Variants in NTAQ1 observed in about 807,000 individuals in gnomAD.
NTAQ1 encodes the protein N-terminal glutamine amidase 1, also known as protein N-terminal glutamine amidohydrolase.
NTAQ1 carries 21 observed loss-of-function variants against 28.2 expected under a neutral mutation model. The ratio of observed to expected loss-of-function variants is 0.74; its 90% CI spans 0.53 to 1.07. The LOEUF is 1.07. Ranked by LOEUF, NTAQ1 falls within the 50% of genes least tolerant of loss-of-function variation. The pLI, the probability that NTAQ1 is intolerant of heterozygous loss-of-function variation, is 0.00. For synonymous variants in NTAQ1, 105 were observed against 90.0 expected (o/e 1.17, Z -0.94); for missense variants, 264 against 256.6 (o/e 1.03, Z -0.20).
At chr8:123,428,895 C>G (rs760861047) in intron 2 of NTAQ1, among the ~76,000 whole-genome samples, 1 of 152,156 alleles carries the variant, frequency 6.6e-6, no homozygotes, top group Non-Finnish European at 1.5e-5. Context: ...AGCCACTGTG[C>G]CTGGCCATTT....
intron 3 of NTAQ1, among the ~76,000 whole-genome samples, chr8:123,431,603 C>T (rs1352372376): frequency 6.6e-6 from 1 of 152,202 alleles, no homozygotes; most frequent in Non-Finnish European, 1.5e-5. Context: ...TGCATGAAAG[C>T]TGCTCTTGCA....
At chr8:123,460,470 T>G (rs1026489372) in intron 6 of NTAQ1, among the ~76,000 whole-genome samples, 4 of 152,130 alleles carry the variant, frequency 2.6e-5, no homozygotes, top group African/African-American at 9.7e-5. Flanking sequence ...GGGCATTGCT[T>G]CTTGTGCTGG....
intron 6 of NTAQ1, among the ~76,000 whole-genome samples, chr8:123,458,766 G>A (rs1023254884): frequency 5.9e-5 from 9 of 151,532 alleles, no homozygotes; most frequent in African/African-American, 1.5e-4. Flanking sequence ...GACTACAGGC[G>A]CCCGCCAGCA....
downstream of NTAQ1, among the ~76,000 whole-genome samples, chr8:123,472,447 C>G (rs1181531248): frequency 6.6e-6 from 1 of 152,176 alleles, no homozygotes; most frequent in East Asian, 1.9e-4. Flanking sequence ...CAAGGTGTCA[C>G]AGGGTCCATG....
downstream of NTAQ1, among the ~76,000 whole-genome samples, chr8:123,446,682 A>T (rs937817444): frequency 6.6e-6 from 1 of 152,210 alleles, no homozygotes; most frequent in Non-Finnish European, 1.5e-5. Flanking sequence ...GAGCCGTATC[A>T]GTGCCATCTT....
At chr8:123,464,178 A>G (rs935528535) in intron 6 of NTAQ1, among the ~76,000 whole-genome samples, 3 of 152,196 alleles carry the variant, frequency 2.0e-5, no homozygotes, top group African/African-American at 7.2e-5. Context: ...ACAGACTAAT[A>G]GAGATGGTCT....
At chr8:123,437,767 A>G (rs975026497) in intron 5 of NTAQ1, among the ~76,000 whole-genome samples, 2 of 152,274 alleles carry the variant, frequency 1.3e-5, no homozygotes, top group East Asian at 3.9e-4. Flanking sequence ...GGTCATAGGA[A>G]ATACTACTTC....
At chr8:123,458,424 C>T (rs1815718993) in intron 6 of NTAQ1, among the ~76,000 whole-genome samples, 2 of 151,934 alleles carry the variant, frequency 1.3e-5, no homozygotes, top group South Asian at 4.2e-4. Context: ...GAAAGTGAGA[C>T]CTTGAAATTG....
At chr8:123,427,159 C>G (rs1401470923) in intron 1 of NTAQ1, among the ~76,000 whole-genome samples, 1 of 149,314 alleles carries the variant, frequency 6.7e-6, no homozygotes, top group Non-Finnish European at 1.5e-5. Context: ...CCAGTGTTAA[C>G]TAAGATTTTT....
chr8:123,426,071 A>G (rs1814035084), intron 1 of NTAQ1, among the ~76,000 whole-genome samples: 1 of 152,216 alleles, frequency 6.6e-6, no homozygotes, highest in African/African-American at 2.4e-5. Flanking sequence ...ACTGAGCCAC[A>G]TTCTGTGAAC....
intron 6 of NTAQ1, among the ~76,000 whole-genome samples, chr8:123,454,171 G>A (rs1428554209): frequency 2.0e-5 from 3 of 152,194 alleles, no homozygotes; most frequent in African/African-American, 7.2e-5. Flanking sequence ...CTCCCTGAGT[G>A]GTTCTGGTTT....
chr8:123,445,518 T>A (rs1413378937), downstream of NTAQ1, among the ~76,000 whole-genome samples: 1 of 135,238 alleles, frequency 7.4e-6, no homozygotes, highest in African/African-American at 2.7e-5. Context: ...TGTTTTTTGC[T>A]TCTTGGTGTG....
intron 6 of NTAQ1, among the ~76,000 whole-genome samples, chr8:123,465,961 T>C (rs1290129954): frequency 6.6e-6 from 1 of 152,222 alleles, no homozygotes; most frequent in African/African-American, 2.4e-5. Flanking sequence ...AGAGTTGTAT[T>C]CTGTTGTATA....
chr8:123,440,897 ACT>A (rs766930403), intron 5 of NTAQ1, among the ~76,000 whole-genome samples: 1 of 151,746 alleles, frequency 6.6e-6, no homozygotes, highest in Non-Finnish European at 1.5e-5. Flanking sequence ...AGTTCTCTCC[ACT>A]CTGGCTGGTG....
intron 6 of NTAQ1, among the ~76,000 whole-genome samples, chr8:123,463,384 A>G (rs1815885882): frequency 6.6e-6 from 1 of 152,198 alleles, no homozygotes; most frequent in African/African-American, 2.4e-5. Context: ...ATATTAGATC[A>G]CAGTTATTCT....
At position 123,416,799 on chromosome 8, in the gene NTAQ1, C is replaced by T. The variant is rs1408807188; in HGVS notation, c.-51C>T. The T allele has an allele frequency of 1.3e-6, 2 of 1,497,406 alleles. No individual in the cohort carries two copies. The highest frequency in any genetic ancestry group is 4.4e-5 in the Admixed American group (2 of 45,898). 92.8% of individuals were successfully genotyped at this position (1,497,406 alleles called of 1,614,324 possible). A position where few individuals can be genotyped will look rare whatever the true frequency, so the allele number is the denominator to read the frequency against. ...ACTACAAGCCCGCCCTTTCCTACGT[C>T]TGGTCCAGTCGGTCTTCCTCCGGCC... On this transcript the variant is annotated 5_prime_UTR_variant, in exon 1 of 6. Transcript: ENST00000287387.
chr8:123,448,559 C>T (rs762323596), downstream of NTAQ1, among the ~76,000 whole-genome samples: 2 of 152,182 alleles, frequency 1.3e-5, no homozygotes, highest in Admixed American at 1.3e-4. Context: ...GTGGAGGTTG[C>T]AGTGAGCCAA....
At chr8:123,456,446 T>A (rs184939796) in intron 6 of NTAQ1, among the ~76,000 whole-genome samples, 23 of 152,300 alleles carry the variant, frequency 1.5e-4, no homozygotes, top group African/African-American at 5.5e-4. Flanking sequence ...CATTTTAAAG[T>A]AAACAAAGTC....
At chr8:123,468,029 C>G (rs1415760688) in exon 7 of NTAQ1, among the ~76,000 whole-genome samples, 1 of 152,072 alleles carries the variant, frequency 6.6e-6, no homozygotes, top group African/African-American at 2.4e-5. Context: ...GGTTCAGGAT[C>G]TCTAAATGAG....
Sources: gnomAD v4.1 joint callset for allele counts (sites outside exome capture counted in the v4.1 genomes callset) on GRCh38, gnomAD v4.1.1 for gene constraint, MANE v1.5 for transcripts, NCBI Gene and HGNC (gene_info 2026-07-23, HGNC 2026-07-21) for gene names.